Variants in COL22A1 observed in about 807,000 individuals in gnomAD.
COL22A1 encodes collagen alpha-1(XXII) chain.
Under a neutral mutation model 248.9 loss-of-function variants are expected in COL22A1, and 221 were observed. The ratio of observed to expected loss-of-function variants is 0.89; its 90% CI spans 0.80 to 0.99. The LOEUF (loss-of-function observed/expected upper bound fraction) is 0.99, where lower values mean the gene tolerates loss of function less well. Among genes scored for constraint, COL22A1 ranks in the 50% least tolerant of loss-of-function variants. The pLI is 0.00. For missense variants in COL22A1, 2,240 were observed against 2,179.0 expected (o/e 1.03, Z -0.56); for synonymous variants, 891 against 793.4 (o/e 1.12, Z -2.07).
intron 5 of COL22A1, among the ~76,000 whole-genome samples, chr8:138,832,381 C>A (rs913167784): frequency 2.4e-4 from 36 of 152,072 alleles, no homozygotes; most frequent in African/African-American, 8.7e-4. Context: ...GATTGGGTAA[C>A]AATGTCATTT....
chr8:138,904,177 G>T lies in COL22A1; in HGVS notation c.-73+9442C>A, dbSNP rs567014843. On this transcript the variant is annotated intron_variant, in intron 1 of 64. Transcript: ENST00000303045. ...CACCTCATTGCAGAGCTCACACGGGGAGTCCCTGCTTCTTAAACTGCTTTC... is the reference window on the plus strand; with the variant it reads ...CACCTCATTGCAGAGCTCACACGGGTAGTCCCTGCTTCTTAAACTGCTTTC... Among the ~76,000 whole-genome samples, 17 of 152,158 alleles carry T rather than the reference G, an allele frequency of 1.1e-4. No individual in the cohort carries two copies. The East Asian group carries it at 2.9e-3, about 26-fold the overall frequency.
At chr8:138,796,272 GGGGA>G (rs1200565098) in intron 12 of COL22A1, among the ~76,000 whole-genome samples, 23 of 151,976 alleles carry the variant, frequency 1.5e-4, no homozygotes, top group Admixed American at 5.9e-4. Context: ...ATGCATAGCT[GGGGA>G]GAACATCTTT....
chr8:138,641,859 C>T (rs777274728), intron 47 of COL22A1, among the ~76,000 whole-genome samples: 21 of 152,220 alleles, frequency 1.4e-4, no homozygotes, highest in Non-Finnish European at 2.5e-4. Flanking sequence ...AACTCATCTT[C>T]ACATCCCCAA....
intron 17 of COL22A1, 47 bp from the exon 18 acceptor site, chr8:138,760,334 C>T (rs372699409): frequency 1.8e-5 from 28 of 1,550,818 alleles, no homozygotes; most frequent in Non-Finnish European, 2.3e-5. Flanking sequence ...ACTACGGATA[C>T]GGTGGTGGGG....
intron 21 of COL22A1, 89 bp from the exon 22 acceptor site, chr8:138,751,600 C>A: frequency 1.1e-6 from 1 of 890,924 alleles, no homozygotes; most frequent in Non-Finnish European, 1.8e-6. Flanking sequence ...GAATCTCACC[C>A]TCATTGAATA....
intron 3 of COL22A1, among the ~76,000 whole-genome samples, chr8:138,875,775 TTC>T (rs1159861147): frequency 6.6e-6 from 1 of 152,138 alleles, no homozygotes; most frequent in East Asian, 1.9e-4. Context: ...GATCTCAGCA[TTC>T]TGTGTGCGCT....
At chr8:138,718,097 C>CT (rs1488398818) in intron 27 of COL22A1, among the ~76,000 whole-genome samples, 1 of 151,382 alleles carries the variant, frequency 6.6e-6, no homozygotes, top group East Asian at 1.9e-4. Context: ...AAGGCCAGAA[C>CT]TACCAACTTA....
intron 30 of COL22A1, among the ~76,000 whole-genome samples, chr8:138,713,628 C>A (rs1829200962): frequency 6.6e-6 from 1 of 152,112 alleles, no homozygotes; most frequent in Non-Finnish European, 1.5e-5. Context: ...TGGACAAATT[C>A]TGACCAAATC....
chr8:138,709,812 A>T (rs565290599), intron 30 of COL22A1, among the ~76,000 whole-genome samples: 7 of 152,202 alleles, frequency 4.6e-5, no homozygotes, highest in Non-Finnish European at 8.8e-5. Flanking sequence ...GTTATTTCTT[A>T]TCCATCTTCC....
intron 16 of COL22A1, among the ~76,000 whole-genome samples, chr8:138,768,704 G>A (rs1296101699): frequency 3.9e-5 from 6 of 152,130 alleles, no homozygotes; most frequent in East Asian, 1.9e-4. Context: ...TTGGGAGGTC[G>A]AGGCAGGCAG....
At chr8:138,852,897 T>A (rs1001349098) in intron 3 of COL22A1, among the ~76,000 whole-genome samples, 7 of 151,962 alleles carry the variant, frequency 4.6e-5, no homozygotes, top group Admixed American at 2.6e-4. Context: ...AATCCCAGCA[T>A]TTTGGGAAGC....
At chr8:138,611,417 A>T (rs1294715599) in intron 56 of COL22A1, among the ~76,000 whole-genome samples, 1 of 152,196 alleles carries the variant, frequency 6.6e-6, no homozygotes, top group East Asian at 1.9e-4. Context: ...TGAACTCCAG[A>T]ATTGGATGCA....
intron 26 of COL22A1, 34 bp downstream of exon 26, chr8:138,722,002 T>A: frequency 6.5e-7 from 1 of 1,541,214 alleles, no homozygotes; most frequent in Non-Finnish European, 8.8e-7. Context: ...TGTTTTGGGT[T>A]CCCAAACTGG....
intron 44 of COL22A1, among the ~76,000 whole-genome samples, chr8:138,657,627 G>T (rs1288045178): frequency 6.6e-6 from 1 of 152,216 alleles, no homozygotes; most frequent in Admixed American, 6.5e-5. Flanking sequence ...GGAGGCAGTG[G>T]CCTTGTGAAG....
rs543812055 is a variant in COL22A1, at chr8:138,856,729, C to G, written c.659-12571G>C. On this transcript the variant is annotated intron_variant, in intron 3 of 64. Coordinates refer to ENST00000303045, the MANE Select transcript of COL22A1 (RefSeq NM_152888.3). ...AGAGAGACAGAGGCAGTGAGAGAGA[C>G]AGAGAGAGGAGCTTTTGTGTGGGCG... Among the ~76,000 whole-genome samples the G allele has an allele frequency of 7.9e-5, 12 of 152,178 alleles. No individual in the cohort carries two copies. In the South Asian group the frequency reaches 1.2e-3, roughly 16 times the overall value.
rs1033756225 is a variant in COL22A1 at position 138,613,869 on chromosome 8, G to T, written c.3976C>A (p.Pro1326Thr). The T allele has an allele frequency of 3.7e-6, 6 of 1,613,638 alleles. No homozygotes were observed. The highest frequency in any genetic ancestry group is 2.2e-5 in the East Asian group (1 of 44,890). The stretch of plus-strand genomic sequence containing the variant: ...ATTAGTCGCAAAGCAAAACTCACCG[G>T]TGGGCCCCTTGGTCCTTGGGGACCC... ...PQGPQGPRGP[P>T]GKNGSPGSPG... The change falls in exon 56 of 65, where the codon CCG becomes ACG. Residue 1326 changes from proline to threonine, a missense_variant and splice_region_variant. Pro to Thr is a conservative substitution (Grantham distance 38). Coordinates refer to ENST00000303045, the MANE Select transcript of COL22A1 (RefSeq NM_152888.3).
In COL22A1 at chr8:138,668,204, C is replaced by T. The variant is rs1046723597; in HGVS notation, c.3151-4464G>A. 5.3e-5 allele frequency among the ~76,000 whole-genome samples: 8 copies of T among 152,104 alleles called. No individual in the cohort carries two copies. The South Asian group carries it at 1.7e-3, about 32-fold the overall frequency. Reference sequence around the variant, plus strand: ...TTTTAAAATTCTTATCTTTTAGAAACATATACTGAAATATCTACAGACAAA... The same window carrying T: ...TTTTAAAATTCTTATCTTTTAGAAATATATACTGAAATATCTACAGACAAA... On this transcript the variant is annotated intron_variant, in intron 41 of 64. Transcript: ENST00000303045.
intron 1 of COL22A1, among the ~76,000 whole-genome samples, chr8:138,902,740 A>ATATATACACACACT (rs1814704246): frequency 1.3e-5 from 1 of 76,342 alleles, no homozygotes; most frequent in African/African-American, 7.3e-5. Context: ...ATATATATAT[A>ATATATACACACACT]CACACACACA....
intron 53 of COL22A1, among the ~76,000 whole-genome samples, chr8:138,618,543 T>C (rs1258912362): frequency 6.6e-6 from 1 of 152,200 alleles, no homozygotes; most frequent in Non-Finnish European, 1.5e-5. Context: ...GTATTCCTCA[T>C]TCTTGGGTGT....
Sources: allele counts gnomAD v4.1 joint callset (sites outside exome capture counted in the v4.1 genomes callset), GRCh38; gene constraint gnomAD v4.1.1; transcripts MANE v1.5; gene names NCBI Gene and HGNC (gene_info 2026-07-23, HGNC 2026-07-21).